DAB1: variants seen among roughly 807,000 people sequenced by gnomAD.
The protein encoded by DAB1 is DAB adaptor protein 1.
Under a neutral mutation model 64.6 loss-of-function variants are expected in DAB1, and 15 were observed. That is an observed-to-expected ratio of 0.23 (90% CI 0.16 to 0.36). The LOEUF is 0.36. DAB1 is among the 10% of genes least tolerant of loss of function. DAB1 has a pLI of 1.00. For missense variants in DAB1, 596 were observed against 706.7 expected (o/e 0.84, Z 1.78); for synonymous variants, 235 against 251.9 (o/e 0.93, Z 0.64).
chr1:58,537,444 G>A (rs1260576251), intron 1 of DAB1, among the ~76,000 whole-genome samples: 1 of 152,080 alleles, frequency 6.6e-6, no homozygotes, highest in Non-Finnish European at 1.5e-5. Flanking sequence ...TTTACAACGT[G>A]AAAAAGGAGA....
At chr1:57,882,711 A>C (rs1644163290) in intron 1 of DAB1, among the ~76,000 whole-genome samples, 1 of 152,184 alleles carries the variant, frequency 6.6e-6, no homozygotes, top group Non-Finnish European at 1.5e-5. Context: ...AACAAAAGGA[A>C]ACAGAGACAA....
chr1:57,896,890 T>A (rs747400609), intron 5 of DAB1, among the ~76,000 whole-genome samples: 9 of 152,140 alleles, frequency 5.9e-5, no homozygotes, highest in Non-Finnish European at 1.3e-4. Flanking sequence ...TGCATCTGCA[T>A]GTGGCAAAAA....
At chr1:57,827,620 T>C (rs1310057359) in intron 1 of DAB1, among the ~76,000 whole-genome samples, 1 of 152,208 alleles carries the variant, frequency 6.6e-6, no homozygotes, top group Non-Finnish European at 1.5e-5. Context: ...TATTCCTCTT[T>C]TTCCTCCTCC....
At chr1:57,773,269 A>ATG (rs978627061) in intron 6 of DAB1, among the ~76,000 whole-genome samples, 56 of 151,830 alleles carry the variant, frequency 3.7e-4, no homozygotes, top group African/African-American at 1.3e-3. Context: ...GTATATATAT[A>ATG]TGTGTTTGAA....
intron 6 of DAB1, among the ~76,000 whole-genome samples, chr1:57,799,820 A>G (rs1651042153): frequency 6.6e-6 from 1 of 152,216 alleles, no homozygotes; most frequent in Non-Finnish European, 1.5e-5. Context: ...AGCAAACTTT[A>G]TTGGAACACA....
chr1:58,126,928 T>C (rs1653143544), intron 5 of DAB1, among the ~76,000 whole-genome samples: 1 of 145,344 alleles, frequency 6.9e-6, no homozygotes. Flanking sequence ...TACGTGTGCA[T>C]GTGTCTTTAT....
intron 7 of DAB1, among the ~76,000 whole-genome samples, chr1:57,481,615 G>A (rs1283515120): frequency 1.3e-5 from 2 of 152,086 alleles, no homozygotes; most frequent in Non-Finnish European, 2.9e-5. Flanking sequence ...TCAAGAGTTT[G>A]AGATCAGCCT....
intron 3 of DAB1, among the ~76,000 whole-genome samples, chr1:58,361,589 T>C (rs577235490): frequency 1.8e-4 from 27 of 152,186 alleles, no homozygotes; most frequent in Middle Eastern, 6.8e-3. Context: ...CAGGTATAAG[T>C]TAGTGTATAG....
In DAB1 at chr1:58,175,684, A is replaced by AT. The variant is rs537551613; in HGVS notation, n.310-25097dup. On this transcript the variant is annotated intron_variant and non_coding_transcript_variant, in intron 4 of 20. Coordinates refer to the DAB1 transcript ENST00000485760. ...GTCTTGTGCTAGGTTTTACACATAAATTTTTTGCTACTGCATTGGAGTCAA... is the reference window on the plus strand; with the variant it reads ...GTCTTGTGCTAGGTTTTACACATAAATTTTTTTGCTACTGCATTGGAGTCAA... Among the ~76,000 whole-genome samples the AT allele has an allele frequency of 2.6e-3, 391 of 152,224 alleles. 3 individuals are homozygous for AT. Among genetic ancestry groups the AT allele is most frequent in the African/African-American group, 9.1e-3 (380 of 41,552 alleles).
At chr1:58,134,829 T>A (rs1653852988) in intron 5 of DAB1, among the ~76,000 whole-genome samples, 1 of 152,118 alleles carries the variant, frequency 6.6e-6, no homozygotes, top group African/African-American at 2.4e-5. Flanking sequence ...ACATGAGATT[T>A]GGGTGGGGAC....
intron 4 of DAB1, among the ~76,000 whole-genome samples, chr1:58,305,503 C>G (rs1569626178): frequency 6.6e-6 from 1 of 152,172 alleles, no homozygotes; most frequent in East Asian, 1.9e-4. Flanking sequence ...TAAAATTTGG[C>G]CATTGACCTA....
At chr1:58,355,509 T>G (rs1644102123) in intron 3 of DAB1, among the ~76,000 whole-genome samples, 1 of 151,734 alleles carries the variant, frequency 6.6e-6, no homozygotes, top group Non-Finnish European at 1.5e-5. Flanking sequence ...CTGGCAGACC[T>G]CTCAGCTTTC....
At chr1:57,464,074 T>G (rs1337718972) in intron 7 of DAB1, among the ~76,000 whole-genome samples, 1 of 152,202 alleles carries the variant, frequency 6.6e-6, no homozygotes, top group African/African-American at 2.4e-5. Flanking sequence ...AATGAATAAA[T>G]ACTTTCTAAC....
chr1:57,890,456 C>CTTTTTTTT (rs71246207), intron 5 of DAB1, among the ~76,000 whole-genome samples: 6 of 136,614 alleles, frequency 4.4e-5, no homozygotes, highest in Non-Finnish European at 4.7e-5. Flanking sequence ...CTTTTCTTTT[C>CTTTTTTTT]TTTTTTTTTT....
chr1:58,267,574 G>A (rs1338398952), intron 4 of DAB1, among the ~76,000 whole-genome samples: 2 of 152,196 alleles, frequency 1.3e-5, no homozygotes, highest in African/African-American at 2.4e-5. Context: ...CTGTGATAGA[G>A]GAGTCAGAAC....
chr1:57,323,801 A>C (rs1675926061), intron 1 of DAB1, among the ~76,000 whole-genome samples: 1 of 152,164 alleles, frequency 6.6e-6, no homozygotes, highest in South Asian at 2.1e-4. Context: ...AGGATTTTGA[A>C]AATGACATAA....
chr1:58,493,466 C>G (rs338257), intron 3 of DAB1, among the ~76,000 whole-genome samples: 61,629 of 149,742 alleles, frequency 0.41, 14,869 homozygotes, highest in African/African-American at 0.67. Flanking sequence ...AGGAAAAGAG[C>G]AAGTCAAATT....
At chr1:57,630,594 C>T (rs939580197) in intron 7 of DAB1, among the ~76,000 whole-genome samples, 1 of 152,164 alleles carries the variant, frequency 6.6e-6, no homozygotes, top group Non-Finnish European at 1.5e-5. Context: ...AATGCTGACA[C>T]TTGCTAGCCA....
intron 1 of DAB1, among the ~76,000 whole-genome samples, chr1:57,319,998 A>C (rs1675564767): frequency 6.6e-6 from 1 of 152,178 alleles, no homozygotes; most frequent in African/African-American, 2.4e-5. Context: ...TGAGCCCCTG[A>C]TAACAACTTT....
Sources: allele counts gnomAD v4.1 joint callset (sites outside exome capture counted in the v4.1 genomes callset), GRCh38; gene constraint gnomAD v4.1.1; transcripts MANE v1.5; gene names NCBI Gene and HGNC (gene_info 2026-07-23, HGNC 2026-07-21).